The following SCP2 variants were observed in gnomAD, a reference collection of about 807,000 sequenced individuals.
The protein encoded by SCP2 is sterol carrier protein 2.
Under a neutral mutation model 71.4 loss-of-function variants are expected in SCP2, and 48 were observed. The ratio of observed to expected loss-of-function variants is 0.67; its 90% CI spans 0.53 to 0.86. The LOEUF (loss-of-function observed/expected upper bound fraction) is 0.86. SCP2 is among the 40% of genes least tolerant of loss of function. SCP2 has a pLI of 0.00. For missense variants in SCP2, 560 were observed against 655.6 expected (o/e 0.85, Z 1.59); for synonymous variants, 220 against 218.1 (o/e 1.01, Z -0.08).
At chr1:53,036,455 A>G (rs1662958575) in intron 13 of SCP2, among the ~76,000 whole-genome samples, 2 of 150,034 alleles carry the variant, frequency 1.3e-5, no homozygotes, top group Non-Finnish European at 3.0e-5. Flanking sequence ...CACCAAATCT[A>G]GGAATCAAAA....
intron 7 of SCP2, among the ~76,000 whole-genome samples, chr1:52,976,048 A>C (rs1322586925): frequency 6.6e-6 from 1 of 152,180 alleles, no homozygotes; most frequent in Non-Finnish European, 1.5e-5. Flanking sequence ...AAAGGATATA[A>C]ATCAGAAACA....
At chr1:53,038,797 C>G in intron 13 of SCP2, 120 bp from the exon 14 acceptor site, 2 of 1,260,198 alleles carry the variant, frequency 1.6e-6, no homozygotes, top group Non-Finnish European at 2.3e-6. Context: ...CATAAGGGAC[C>G]TTGGGGACCG....
intron 10 of SCP2, among the ~76,000 whole-genome samples, chr1:52,984,287 A>G (rs1178103519): frequency 6.6e-6 from 1 of 152,188 alleles, no homozygotes; most frequent in African/African-American, 2.4e-5. Flanking sequence ...GCCTAAAAAG[A>G]AAAAAAGACA....
chr1:52,977,385 A>T (rs1357613207), intron 8 of SCP2, among the ~76,000 whole-genome samples: 6 of 152,286 alleles, frequency 3.9e-5, no homozygotes, highest in Admixed American at 1.3e-4. Flanking sequence ...CTCCCAGAAG[A>T]CTTCTTGTGT....
At chr1:52,991,647 C>T (rs1244565324) in intron 11 of SCP2, among the ~76,000 whole-genome samples, 2 of 152,190 alleles carry the variant, frequency 1.3e-5, no homozygotes, top group Admixed American at 6.5e-5. Flanking sequence ...GATCTGCCTG[C>T]CTCGGCCTCC....
chr1:52,980,813 A>G (rs958795113), intron 10 of SCP2, among the ~76,000 whole-genome samples: 8 of 152,196 alleles, frequency 5.3e-5, no homozygotes, highest in African/African-American at 1.9e-4. Context: ...CAAAATAGCT[A>G]CTCCATCTTT....
At chr1:52,941,999 A>G in intron 2 of SCP2, 146 bp downstream of exon 2, 4 of 661,776 alleles carry the variant, frequency 6.0e-6, no homozygotes, top group Non-Finnish European at 1.1e-5. Flanking sequence ...GTGACTCACT[A>G]CAAAGGAAAA....
At chr1:53,031,324 C>T (rs1662531390) in intron 13 of SCP2, among the ~76,000 whole-genome samples, 1 of 152,202 alleles carries the variant, frequency 6.6e-6, no homozygotes, top group Non-Finnish European at 1.5e-5. Flanking sequence ...TCTATAACCT[C>T]CCTACCAACC....
At chr1:53,010,842 C>A (rs1007317805) in intron 11 of SCP2, among the ~76,000 whole-genome samples, 1 of 152,014 alleles carries the variant, frequency 6.6e-6, no homozygotes, top group Non-Finnish European at 1.5e-5. Context: ...AGATTCACCC[C>A]CTGCCCACAA....
chr1:52,993,334 CTT>C (rs1659671097), intron 11 of SCP2: 2 of 1,614,088 alleles, frequency 1.2e-6, no homozygotes, highest in Non-Finnish European at 1.7e-6. Context: ...TCATCCTAAT[CTT>C]TGCTGATGCC....
Position 52,984,846 on chromosome 1 carries a change from T to C in SCP2, c.974-3183T>C, listed in dbSNP as rs901866194. 1.3e-3 allele frequency among the ~76,000 whole-genome samples: 178 copies of C among 142,068 alleles called. 3 individuals are homozygous for C. Among genetic ancestry groups the C allele is most frequent in the East Asian group, 8.4e-4 (4 of 4,736 alleles). 93.2% of individuals were successfully genotyped at this position (142,068 alleles called of 152,430 possible). Reference sequence around the variant, plus strand: ...GCCACCACACCCAGCTTTTCTTCTTTTTTTTTTTTTCCGAGACAGTTTTGC... The same window carrying C: ...GCCACCACACCCAGCTTTTCTTCTTCTTTTTTTTTTCCGAGACAGTTTTGC... On this transcript the variant is annotated intron_variant, in intron 10 of 15. Coordinates refer to ENST00000371514, the MANE Select transcript of SCP2 (RefSeq NM_002979.5).
chr1:52,961,646 A>T lies in SCP2; in HGVS notation c.523+17A>T, dbSNP rs1656458929. On this transcript the variant is annotated intron_variant, in intron 6 of 15. Transcript: ENST00000371514. Reference sequence around the variant, plus strand: ...AAAAATATGGTATGTTACAGTTAAAAAACTTTGAGGCTTCTTACTAGTTAT... The same window carrying T: ...AAAAATATGGTATGTTACAGTTAAATAACTTTGAGGCTTCTTACTAGTTAT... 1 of 1,611,432 alleles carries T rather than the reference A, an allele frequency of 6.2e-7. No homozygotes were observed. Among genetic ancestry groups the T allele is most frequent in the South Asian group, 1.1e-5 (1 of 91,014 alleles).
chr1:52,938,055 G>C (rs997110663), intron 1 of SCP2, among the ~76,000 whole-genome samples: 1 of 152,196 alleles, frequency 6.6e-6, no homozygotes, highest in Non-Finnish European at 1.5e-5. Context: ...GCTGTTGGTG[G>C]CTGTGTCTTA....
chr1:52,927,408 C>G lies in SCP2; in HGVS notation c.12C>G (p.Ser4=). MSS[S]PWEPATLRRV... The stretch of plus-strand genomic sequence containing the variant: ...GCACTGGTGCAGCCATGTCCTCTTC[C>G]CCGTGGGAGCCTGCGACCCTGCGCC... The change falls in exon 1 of 16, where the codon TCC becomes TCG. Residue 4 remains serine, a synonymous_variant. Transcript: ENST00000371514. 6.3e-7 allele frequency: 1 copy of G among 1,596,940 alleles called. No homozygotes were observed. Among genetic ancestry groups the G allele is most frequent in the Non-Finnish European group, 8.5e-7 (1 of 1,172,892 alleles).
intron 6 of SCP2, among the ~76,000 whole-genome samples, chr1:52,968,867 A>C (rs4584343): frequency 0.59 from 89,215 of 151,974 alleles, 28,749 homozygotes; most frequent in East Asian, 0.98. Flanking sequence ...GTAACATAAA[A>C]AATTGATTTA....
chr1:53,000,252 C>CAAAAA (rs34392119), intron 11 of SCP2, among the ~76,000 whole-genome samples: 1 of 92,096 alleles, frequency 1.1e-5, no homozygotes, highest in Admixed American at 1.0e-4. Flanking sequence ...TAGTTTCTAC[C>CAAAAA]AAAAAAAAAA....
At chr1:52,999,086 A>AT (rs60061164) in intron 11 of SCP2, among the ~76,000 whole-genome samples, 20,656 of 152,132 alleles carry the variant, frequency 0.14, 2,031 homozygotes, top group East Asian at 0.32. Flanking sequence ...ATGGTATAGC[A>AT]TTTTTTGGGA....
chr1:53,029,307 A>G (rs985475810), intron 13 of SCP2, among the ~76,000 whole-genome samples: 1 of 147,348 alleles, frequency 6.8e-6, no homozygotes, highest in Non-Finnish European at 1.5e-5. Context: ...TTTGTCGCCC[A>G]GAATGGAGTG....
chr1:52,935,456 G>T (rs1389920387), intron 1 of SCP2, among the ~76,000 whole-genome samples: 1 of 151,684 alleles, frequency 6.6e-6, no homozygotes, highest in Admixed American at 6.6e-5. Context: ...CAGGCGTGGT[G>T]GTGGACGCCT....
Sources: gnomAD v4.1 joint callset for allele counts (sites outside exome capture counted in the v4.1 genomes callset) on GRCh38, gnomAD v4.1.1 for gene constraint, MANE v1.5 for transcripts, NCBI Gene and HGNC (gene_info 2026-07-23, HGNC 2026-07-21) for gene names.